ENTPD5: variants seen among roughly 807,000 people sequenced by gnomAD.
ENTPD5 encodes ectonucleoside triphosphate diphosphohydrolase 5 (inactive).
A neutral mutation model predicts 60.2 loss-of-function variants in ENTPD5; 49 were observed. The ratio of observed to expected loss-of-function variants is 0.81; its 90% confidence interval spans 0.65 to 1.03. ENTPD5 has a LOEUF of 1.03. ENTPD5 is among the 50% of genes least tolerant of loss of function. ENTPD5 has a pLI of 0.00. For missense variants in ENTPD5, 480 were observed against 507.6 expected, an observed-to-expected ratio of 0.95 and a Z score of 0.52; for synonymous variants, 187 against 185.4, an observed-to-expected ratio of 1.01 and a Z score of -0.07.
intron 5 of ENTPD5, among the ~76,000 whole-genome samples, chr14:73,985,152 T>G (rs577768322): frequency 6.6e-6 from 1 of 152,206 alleles, no homozygotes; most frequent in African/African-American, 2.4e-5. Context: ...TGATGGACAT[T>G]TGGGTTCGTT....
At chr14:74,008,534 TGGGTGCCTGC>T (rs1344366627) in intron 3 of ENTPD5, among the ~76,000 whole-genome samples, 1 of 151,846 alleles carries the variant, frequency 6.6e-6, no homozygotes, top group Non-Finnish European at 1.5e-5. Context: ...GCTAGGACGA[TGGGTGCCTGC>T]CACCATGCCC....
chr14:74,014,470 G>A (rs1404781313), intron 2 of ENTPD5, among the ~76,000 whole-genome samples: 4 of 152,090 alleles, frequency 2.6e-5, no homozygotes, highest in Admixed American at 1.3e-4. Context: ...AGAATTGCTT[G>A]ACCCCAGAAG....
chr14:74,015,651 C>T (rs1178351394), intron 2 of ENTPD5, among the ~76,000 whole-genome samples, 173 bp downstream of exon 2: 1 of 151,924 alleles, frequency 6.6e-6, no homozygotes, highest in African/African-American at 2.4e-5. Flanking sequence ...CCATGACCAG[C>T]CAGAAATTCT....
At chr14:73,980,678 G>A (rs767403048) in intron 6 of ENTPD5, among the ~76,000 whole-genome samples, 5 of 152,216 alleles carry the variant, frequency 3.3e-5, no homozygotes. Flanking sequence ...TTACAGGCAT[G>A]AGCCACTGCA....
downstream of ENTPD5, chr14:73,960,230 T>G: frequency 1.0e-6 from 1 of 987,046 alleles, no homozygotes; most frequent in Non-Finnish European, 1.2e-6. Context: ...TAGATAGATG[T>G]GGGTTCAAAA....
intron 3 of ENTPD5, chr14:74,003,618 C>G (rs2058576564): frequency 3.9e-6 from 2 of 515,570 alleles, no homozygotes; most frequent in South Asian, 3.3e-5. Flanking sequence ...GCCCTCTGAT[C>G]GCTGATCACC....
chr14:73,992,502 T>C (rs1186833531), intron 3 of ENTPD5, among the ~76,000 whole-genome samples: 22 of 147,608 alleles, frequency 1.5e-4, no homozygotes, highest in Non-Finnish European at 1.5e-5. Context: ...CTGGCCAACA[T>C]GGTGAAACTC....
intron 5 of ENTPD5, among the ~76,000 whole-genome samples, chr14:73,985,183 A>G (rs2057849933): frequency 6.6e-6 from 1 of 152,192 alleles, no homozygotes. Context: ...GATATTGTGA[A>G]TGATGCCTCA....
chr14:74,002,485 T>C (rs12892608), intron 3 of ENTPD5, among the ~76,000 whole-genome samples: 17,324 of 152,208 alleles, frequency 0.11, 1,297 homozygotes, highest in Admixed American at 0.19. Flanking sequence ...CAGGCTGGTC[T>C]TGAACTCCTG....
At chr14:74,013,497 AT>A (rs370058676) in intron 2 of ENTPD5, among the ~76,000 whole-genome samples, 4,760 of 151,536 alleles carry the variant, frequency 0.031, 251 homozygotes, top group African/African-American at 0.11. Context: ...TTTTTTTGTG[AT>A]TTTTTTTTAA....
At chr14:73,972,392 C>A (rs756528932) in intron 13 of ENTPD5, among the ~76,000 whole-genome samples, 11 of 151,760 alleles carry the variant, frequency 7.2e-5, no homozygotes, top group Non-Finnish European at 1.5e-4. Context: ...AACAAACAAA[C>A]AAAAAACCAA....
chr14:73,962,579 G>T, downstream of ENTPD5: 1 of 187,966 alleles, frequency 5.3e-6, no homozygotes, highest in Non-Finnish European at 1.1e-5. Flanking sequence ...AAAATGAATA[G>T]GGATTTCTAA....
chr14:73,990,959 G>A (rs749681102), intron 3 of ENTPD5, among the ~76,000 whole-genome samples: 3 of 152,056 alleles, frequency 2.0e-5, no homozygotes, highest in Non-Finnish European at 4.4e-5. Context: ...AAACCGGGAA[G>A]CAGAGGTTGC....
rs565510452 is a variant in ENTPD5 at position 73,983,417 on chromosome 14, G to GT, written c.298-257dup. Reference sequence around the variant, plus strand: ...GTGGGTGGATCATTTGAGGTCAGGAGTTTGAGATCAGCCTGACCAACATGG... The same window carrying GT: ...GTGGGTGGATCATTTGAGGTCAGGAGTTTTGAGATCAGCCTGACCAACATGG... On this transcript the variant is annotated intron_variant, in intron 5 of 15. Coordinates refer to ENST00000334696, the MANE Select transcript of ENTPD5 (RefSeq NM_001249.5). Among the ~76,000 whole-genome samples the GT allele has an allele frequency of 1.1e-3, 170 of 152,184 alleles. 1 individual carries two copies. In the East Asian group the frequency reaches 0.025, roughly 22 times the overall value.
chr14:74,004,909 G>A (rs2140816420), intron 3 of ENTPD5, among the ~76,000 whole-genome samples: 1 of 152,184 alleles, frequency 6.6e-6, no homozygotes, highest in East Asian at 1.9e-4. Flanking sequence ...ATCACTGGGG[G>A]GCATCTTGGA....
At chr14:73,960,629 T>C (rs2056672701), downstream of ENTPD5, 1 of 1,044,208 alleles carries the variant, frequency 9.6e-7, no homozygotes, top group Non-Finnish European at 1.2e-6. Context: ...TAGCAGGCTC[T>C]GGAGATACTG....
chr14:74,018,395 A>C, intron 1 of ENTPD5: 1 of 152,218 alleles, frequency 6.6e-6, no homozygotes, highest in Non-Finnish European at 1.5e-5. Flanking sequence ...TAAACTTTTT[A>C]ATTTGAAATG....
intron 1 of ENTPD5, among the ~76,000 whole-genome samples, chr14:74,016,672 A>G (rs2059025605): frequency 6.6e-6 from 1 of 152,134 alleles, no homozygotes; most frequent in South Asian, 2.1e-4. Context: ...AATAAAAGAA[A>G]CTATAAAGTA....
At chr14:73,959,906 A>T, downstream of ENTPD5, 1 of 1,196,022 alleles carries the variant, frequency 8.4e-7, no homozygotes, top group Non-Finnish European at 1.0e-6. Context: ...AGGAGTAACC[A>T]GTCAGCTGTC....
Sources: allele counts gnomAD v4.1 joint callset (sites outside exome capture counted in the v4.1 genomes callset), GRCh38; gene constraint gnomAD v4.1.1; transcripts MANE v1.5; gene names NCBI Gene and HGNC (gene_info 2026-07-23, HGNC 2026-07-21).